Variants in CAST observed in about 807,000 individuals in gnomAD.
CAST encodes calpastatin.
A neutral mutation model predicts 119.6 loss-of-function variants in CAST; 76 were observed. That is an observed-to-expected ratio of 0.64 (90% confidence interval 0.53 to 0.77). The LOEUF (loss-of-function observed/expected upper bound fraction) is 0.77. CAST is among the 30% of genes least tolerant of loss of function. The pLI is 0.00. For synonymous variants in CAST, 319 were observed against 331.6 expected, an observed-to-expected ratio of 0.96 and a Z score of 0.41; for missense variants, 953 against 946.5, an observed-to-expected ratio of 1.01 and a Z score of -0.09.
the CAST span, among the ~76,000 whole-genome samples, chr5:96,308,124 C>G: frequency 6.6e-6 from 1 of 152,012 alleles, no homozygotes; most frequent in Non-Finnish European, 1.5e-5. Context: ...CACATAGAAC[C>G]ATATTTCTTG....
chr5:96,017,521 TA>T, the CAST span, among the ~76,000 whole-genome samples: 5 of 152,192 alleles, frequency 3.3e-5, no homozygotes, highest in Admixed American at 6.5e-5. Flanking sequence ...AAATTTCAGT[TA>T]AACTTTCAAA....
At chr5:96,486,712 G>GT in the CAST span, among the ~76,000 whole-genome samples, 13 of 151,688 alleles carry the variant, frequency 8.6e-5, no homozygotes, top group African/African-American at 2.7e-4. Flanking sequence ...TGTTGGGGGG[G>GT]CAGATTCTGC....
chr5:96,327,546 C>T, the CAST span, among the ~76,000 whole-genome samples: 1 of 152,152 alleles, frequency 6.6e-6, no homozygotes, highest in African/African-American at 2.4e-5. Context: ...TAATTCTCTC[C>T]CCTTGAAAAC....
chr5:96,611,535 T>C (rs1427716075), intron 1 of CAST, among the ~76,000 whole-genome samples: 1 of 150,450 alleles, frequency 6.6e-6, no homozygotes, highest in African/African-American at 2.4e-5. Flanking sequence ...AAATGTCTTC[T>C]GGATATGGGC....
chr5:96,225,591 A>G, the CAST span, among the ~76,000 whole-genome samples: 1 of 152,190 alleles, frequency 6.6e-6, no homozygotes, highest in African/African-American at 2.4e-5. Context: ...AAATTTTCTG[A>G]AAAGTTTTTA....
At chr5:96,061,570 A>T in the CAST span, among the ~76,000 whole-genome samples, 1 of 152,090 alleles carries the variant, frequency 6.6e-6, no homozygotes. Context: ...TGGATGCACT[A>T]TAGCCCCTCA....
the CAST span, among the ~76,000 whole-genome samples, chr5:95,976,169 T>C: frequency 6.6e-6 from 1 of 151,136 alleles, no homozygotes; most frequent in East Asian, 1.9e-4. Context: ...ATCTAGATTC[T>C]CCACCAGATA....
chr5:96,010,148 CTA>C, the CAST span, among the ~76,000 whole-genome samples: 1 of 152,186 alleles, frequency 6.6e-6, no homozygotes, highest in East Asian at 1.9e-4. Context: ...TTTCATTGGT[CTA>C]TGTGTCTGTT....
the CAST span, among the ~76,000 whole-genome samples, chr5:96,221,514 TG>T: frequency 6.6e-6 from 1 of 151,914 alleles, no homozygotes; most frequent in Non-Finnish European, 1.5e-5. Flanking sequence ...TTACAACAGC[TG>T]ACAAAAAATA....
chr5:96,177,910 G>C, the CAST span, among the ~76,000 whole-genome samples: 1 of 152,086 alleles, frequency 6.6e-6, no homozygotes, highest in Admixed American at 6.5e-5. Flanking sequence ...CTGTAATTTT[G>C]AACAAATAAG....
intron 25 of CAST, chr5:96,762,668 T>C (rs1768415281): frequency 5.9e-6 from 2 of 339,254 alleles, no homozygotes; most frequent in Non-Finnish European, 1.1e-5. Context: ...ATATTCAAAT[T>C]ACTAGATTTG....
chr5:96,708,699 C>T (rs545427184), intron 3 of CAST, among the ~76,000 whole-genome samples: 1 of 152,264 alleles, frequency 6.6e-6, no homozygotes, highest in South Asian at 2.1e-4. Flanking sequence ...TCATGTTTCC[C>T]AGGCTGGTCT....
chr5:96,046,685 C>T, the CAST span, among the ~76,000 whole-genome samples: 2 of 152,104 alleles, frequency 1.3e-5, no homozygotes, highest in African/African-American at 2.4e-5. Flanking sequence ...AGTAATAAGA[C>T]ATGGTGTATT....
chr5:96,748,702 C>T, intron 19 of CAST, 89 bp downstream of exon 19: 1 of 653,028 alleles, frequency 1.5e-6, no homozygotes, highest in Non-Finnish European at 2.7e-6. Context: ...ATCAAGCAGT[C>T]TGTTAGAAAG....
chr5:96,192,797 T>C, the CAST span, among the ~76,000 whole-genome samples: 2 of 152,334 alleles, frequency 1.3e-5, no homozygotes, highest in East Asian at 3.9e-4. Flanking sequence ...GCCATCTTTC[T>C]TCTTTCTCTG....
the CAST span, chr5:95,964,904 G>A: frequency 2.6e-5 from 4 of 152,326 alleles, no homozygotes; most frequent in South Asian, 6.2e-4. Flanking sequence ...TTGATGCAGG[G>A]CCTGCTCCAT....
chr5:95,961,445 C>A, the CAST span: 1 of 1,197,282 alleles, frequency 8.4e-7, no homozygotes. Flanking sequence ...CCCTGCCCTG[C>A]CTGGCCGCTG....
the CAST span, among the ~76,000 whole-genome samples, chr5:96,000,873 G>T: frequency 6.6e-6 from 1 of 152,162 alleles, no homozygotes; most frequent in African/African-American, 2.4e-5. Context: ...AAACGCAATT[G>T]ATATTCTTAG....
At chr5:95,962,501 T>TAAAAAC in the CAST span, among the ~76,000 whole-genome samples, 2,631 of 152,188 alleles carry the variant, frequency 0.017, 73 homozygotes, top group African/African-American at 0.06. Context: ...GCAGAGCTTA[T>TAAAAAC]AAAAACAAAA....
Sources: gnomAD v4.1 joint callset for allele counts (sites outside exome capture counted in the v4.1 genomes callset) on GRCh38, gnomAD v4.1.1 for gene constraint, MANE v1.5 for transcripts, NCBI Gene and HGNC (gene_info 2026-07-23, HGNC 2026-07-21) for gene names.